The following SLCO4A1 variants were observed in gnomAD, a reference collection of about 807,000 sequenced individuals.
SLCO4A1 encodes the protein colon organic anion transporter.
In SLCO4A1, 51 loss-of-function variants were observed where a neutral mutation model predicts 64.6. The ratio of observed to expected loss-of-function variants is 0.79; its 90% CI spans 0.63 to 1.00. The LOEUF is 1.00. SLCO4A1 is among the 50% of genes least tolerant of loss of function. The pLI is 0.00. For synonymous variants in SLCO4A1, 471 were observed against 444.9 expected (o/e 1.06, Z -0.74); for missense variants, 919 against 980.5 (o/e 0.94, Z 0.84).
downstream of SLCO4A1, among the ~76,000 whole-genome samples, chr20:62,686,090 C>A (rs538324284): frequency 6.6e-5 from 10 of 152,144 alleles, no homozygotes; most frequent in African/African-American, 2.2e-4. Flanking sequence ...CTGTTTATCG[C>A]GGCCACTTCC....
intron 1 of SLCO4A1, among the ~76,000 whole-genome samples, chr20:62,648,709 T>C (rs542551584): frequency 6.6e-6 from 1 of 152,194 alleles, no homozygotes; most frequent in Non-Finnish European, 1.5e-5. Flanking sequence ...TGGGCAGCGA[T>C]GGTGGTGGTG....
In SLCO4A1 at chr20:62,665,081, C is replaced by T. The variant is rs1339384130; in HGVS notation, c.1269C>T (p.Thr423=). The T allele has an allele frequency of 6.2e-7, 1 of 1,606,094 alleles. No individual in the cohort carries two copies. The highest frequency in any genetic ancestry group is 8.5e-7 in the Non-Finnish European group (1 of 1,177,278). ...GCCTGAGTGCCTCAGAAGCTGCCAC[C>T]TTGTTTGGTGAGAAAACTGAATCTT... ...QFSLSASEAA[T]LFGYLVVPAG... Residue 423 remains threonine, a synonymous_variant, in exon 6 of 12, where the codon ACC becomes ACT. Coordinates refer to ENST00000217159, the MANE Select transcript of SLCO4A1 (RefSeq NM_016354.4).
Position 62,669,076 on chromosome 20 carries a change from A to G in SLCO4A1, c.2023A>G (p.Lys675Glu). ...RYILIMGLLY[K>E]VLGVLFFAIA... is the part of the protein sequence containing the mutation. ...CATACTCATCATGGGGCTCCTGTAC[A>G]AGGTAAGCAGGCCCAGGGAGGGGAC... The change falls in exon 11 of 12, where the codon AAG becomes GAG. Residue 675 changes from lysine (K) to glutamate (E), a missense_variant and splice_region_variant. Transcript: ENST00000217159. The G allele has an allele frequency of 6.2e-7, 1 of 1,609,490 alleles. No homozygotes were observed. Among genetic ancestry groups the G allele is most frequent in the Non-Finnish European group, 8.5e-7 (1 of 1,179,784 alleles).
intron 1 of SLCO4A1, chr20:62,643,419 A>C: frequency 1.1e-5 from 2 of 174,338 alleles, no homozygotes; most frequent in South Asian, 1.9e-4. Flanking sequence ...GAGGGGAGAG[A>C]GAAGCCCAGC....
At chr20:62,652,977 G>C (rs777200547) in intron 1 of SLCO4A1, among the ~76,000 whole-genome samples, 25 of 152,348 alleles carry the variant, frequency 1.6e-4, no homozygotes, top group Non-Finnish European at 2.1e-4. Flanking sequence ...CATCCTCATT[G>C]CCACCGGCGG....
At chr20:62,677,917 C>T (rs1366947651) in intron 2 of SLCO4A1, among the ~76,000 whole-genome samples, 1 of 152,260 alleles carries the variant, frequency 6.6e-6, no homozygotes, top group African/African-American at 2.4e-5. Flanking sequence ...GGCTCTCTGT[C>T]CCCACTTCCC....
chr20:62,688,062 C>T (rs1988123707), downstream of SLCO4A1, among the ~76,000 whole-genome samples: 1 of 152,074 alleles, frequency 6.6e-6, no homozygotes, highest in Non-Finnish European at 1.5e-5. Flanking sequence ...CATTGCTTTC[C>T]AGGTCCCAGC....
At chr20:62,678,504 G>C (rs1987689252) in intron 2 of SLCO4A1, among the ~76,000 whole-genome samples, 1 of 150,386 alleles carries the variant, frequency 6.6e-6, no homozygotes, top group Admixed American at 6.6e-5. Context: ...ACAAAATCTT[G>C]TACACAAATG....
At chr20:62,676,955 C>A (rs569855223), downstream of SLCO4A1, among the ~76,000 whole-genome samples, 2 of 152,334 alleles carry the variant, frequency 1.3e-5, no homozygotes, top group South Asian at 2.1e-4. Context: ...CTTGCTTGGC[C>A]GTCAATCAGA....
chr20:62,686,502 G>A (rs774876562), downstream of SLCO4A1, among the ~76,000 whole-genome samples: 2 of 152,302 alleles, frequency 1.3e-5, no homozygotes, highest in Non-Finnish European at 2.9e-5. Flanking sequence ...GGGAGGGGCC[G>A]GCAGCTGCCT....
downstream of SLCO4A1, among the ~76,000 whole-genome samples, chr20:62,687,311 G>T: frequency 6.6e-6 from 1 of 152,102 alleles, no homozygotes; most frequent in Non-Finnish European, 1.5e-5. Flanking sequence ...ACACAGCCAC[G>T]GGAGACACAG....
chr20:62,651,156 C>G (rs577696714), intron 1 of SLCO4A1: 1 of 152,408 alleles, frequency 6.6e-6, no homozygotes, highest in East Asian at 1.9e-4. Context: ...TCATAGCCAG[C>G]TTTTATGTTT....
chr20:62,688,187 C>T (rs1283643321), downstream of SLCO4A1, among the ~76,000 whole-genome samples: 1 of 152,218 alleles, frequency 6.6e-6, no homozygotes, highest in Non-Finnish European at 1.5e-5. Flanking sequence ...ATGCAAGCCG[C>T]AGAAGCTGGG....
At chr20:62,684,142 C>T (rs988614758) in intron 2 of SLCO4A1, among the ~76,000 whole-genome samples, 2 of 152,132 alleles carry the variant, frequency 1.3e-5, no homozygotes, top group Non-Finnish European at 1.5e-5. Context: ...CACGTGACCA[C>T]GCGCTTCCCA....
chr20:62,651,602 A>G lies in SLCO4A1; in HGVS notation c.-96-4757A>G, dbSNP rs536028428. On this transcript the variant is annotated intron_variant, in intron 1 of 11. Transcript: ENST00000217159. The stretch of plus-strand genomic sequence containing the variant: ...GGTAACTTTCGGCTGAGCTTTACAT[A>G]TTTATGTCAGAGCTTTTAATTCAGG... 39 of 152,318 alleles carry G rather than the reference A, an allele frequency of 2.6e-4. No homozygotes were observed. In the East Asian group the frequency reaches 7.1e-3, roughly 28 times the overall value. The allele number at this position is 152,318 out of a possible 1,614,324, so 9.4% of individuals were successfully genotyped here.
At chr20:62,669,103 G>T in intron 11 of SLCO4A1, 25 bp downstream of exon 11, 1 of 1,603,526 alleles carries the variant, frequency 6.2e-7, no homozygotes. Context: ...GGAGGGGACA[G>T]AGGGTCTGCT....
rs149722488 is a variant in SLCO4A1 at position 62,683,893 on chromosome 20, G to A, written n.212-1548G>A. On this transcript the variant is annotated intron_variant and non_coding_transcript_variant, in intron 2 of 2. Transcript: ENST00000466818. ...ATGCAAAGATCTCACGTGACCACGC[G>A]CTTCCCACACACGCTCACGCAACGA... is the stretch of plus-strand genomic sequence containing the variant. 7.4e-3 allele frequency among the ~76,000 whole-genome samples: 1,125 copies of A among 151,176 alleles called. 21 individuals are homozygous for A. The highest frequency in any genetic ancestry group is 0.026 in the African/African-American group (1,064 of 41,000).
At chr20:62,656,239 T>G in intron 1 of SLCO4A1, 120 bp from the exon 2 acceptor site, 33 of 531,840 alleles carry the variant, frequency 6.2e-5, no homozygotes, top group East Asian at 9.0e-5. Flanking sequence ...GGGAGGCTCT[T>G]GAGACAAGGC....
intron 10 of SLCO4A1, 111 bp downstream of exon 10, chr20:62,668,652 T>C: frequency 1.8e-6 from 2 of 1,094,654 alleles, no homozygotes; most frequent in Non-Finnish European, 2.8e-6. Context: ...AGGAGGCTGT[T>C]CCCGCCTGGG....
Sources: gnomAD v4.1 joint callset for allele counts (sites outside exome capture counted in the v4.1 genomes callset) on GRCh38, gnomAD v4.1.1 for gene constraint, MANE v1.5 for transcripts, NCBI Gene and HGNC (gene_info 2026-07-23, HGNC 2026-07-21) for gene names.